Variants in TBC1D22A observed in about 807,000 individuals in gnomAD.
TBC1D22A encodes the protein TBC1 domain family member 22A.
TBC1D22A carries 38 observed loss-of-function variants against 60.2 expected under a neutral mutation model. The observed-to-expected ratio is 0.63, with a 90% CI of 0.49 to 0.83. The LOEUF (loss-of-function observed/expected upper bound fraction) is 0.83. Ranked by LOEUF, TBC1D22A falls within the 40% of genes least tolerant of loss-of-function variation. The probability of loss-of-function intolerance (pLI) is 0.00; values close to 1 mark genes in which losing one functional copy is unlikely to be tolerated. For synonymous variants in TBC1D22A, 302 were observed against 281.7 expected, an observed-to-expected ratio of 1.07 and a Z score of -0.72; for missense variants, 628 against 701.0, an observed-to-expected ratio of 0.90 and a Z score of 1.18.
intron 7 of TBC1D22A, among the ~76,000 whole-genome samples, chr22:46,895,212 C>T (rs1395675159): frequency 1.3e-5 from 2 of 152,130 alleles, no homozygotes; most frequent in African/African-American, 4.8e-5. Context: ...TCCCCCACCC[C>T]TGTGCAACCC....
At chr22:46,974,208 C>T in intron 8 of TBC1D22A, 82 bp from the exon 9 acceptor site, 1 of 1,179,100 alleles carries the variant, frequency 8.5e-7, no homozygotes, top group Non-Finnish European at 1.2e-6. Context: ...AGGCTCAGCT[C>T]TGTTCCTCCG....
In TBC1D22A at chr22:47,100,704, C is replaced by T. The variant is rs539836708; in HGVS notation, c.1330-10804C>T. Among the ~76,000 whole-genome samples the T allele has an allele frequency of 2.4e-4, 37 of 152,346 alleles. 1 individual carries two copies. The highest frequency in any genetic ancestry group is 2.3e-3 in the Admixed American group (35 of 15,314). ...TTTCCTTCCGCCATGATTGTAAGGGCTCCCCAGCCATGTGGAACTGTAAAT... is the reference window on the plus strand; with the variant it reads ...TTTCCTTCCGCCATGATTGTAAGGGTTCCCCAGCCATGTGGAACTGTAAAT... On this transcript the variant is annotated intron_variant, in intron 11 of 12. Transcript: ENST00000337137.
rs187145017 is a variant in TBC1D22A, at chr22:46,907,691, G to T, written c.901-4383G>T. Among the ~76,000 whole-genome samples, 336 of 152,326 alleles carry T rather than the reference G, an allele frequency of 2.2e-3. 2 individuals carry two copies. The highest frequency in any genetic ancestry group is 7.6e-3 in the African/African-American group (315 of 41,572). ...AGCTTCCCAGTCCTCCTCTGTGCCG[G>T]CCGTGCAGGACTGAGGGCACTGCTG... On this transcript the variant is annotated intron_variant, in intron 7 of 12. Coordinates refer to ENST00000337137, the MANE Select transcript of TBC1D22A (RefSeq NM_014346.5).
intron 11 of TBC1D22A, among the ~76,000 whole-genome samples, chr22:47,059,964 G>A (rs77198482): frequency 1.0e-3 from 156 of 152,300 alleles, no homozygotes; most frequent in African/African-American, 3.5e-3. Flanking sequence ...GAGGCTGCAG[G>A]AGCGTCGCAC....
chr22:46,770,801 T>A (rs764919664), intron 1 of TBC1D22A, among the ~76,000 whole-genome samples: 15 of 152,390 alleles, frequency 9.8e-5, no homozygotes, highest in Middle Eastern at 3.4e-3. Context: ...TGCTTATGTT[T>A]TGAAGAGATT....
intron 11 of TBC1D22A, among the ~76,000 whole-genome samples, chr22:47,099,093 G>A (rs2065306954): frequency 6.6e-6 from 1 of 152,232 alleles, no homozygotes; most frequent in African/African-American, 2.4e-5. Context: ...CTGCTGCAGA[G>A]GTGAAAGTTC....
At chr22:46,882,267 C>T (rs983663246) in intron 5 of TBC1D22A, among the ~76,000 whole-genome samples, 1 of 152,176 alleles carries the variant, frequency 6.6e-6, no homozygotes, top group African/African-American at 2.4e-5. Flanking sequence ...TACCCTGCGG[C>T]TAGGCAGGGA....
intron 12 of TBC1D22A, among the ~76,000 whole-genome samples, chr22:47,123,918 G>A (rs994635425): frequency 6.6e-6 from 1 of 152,140 alleles, no homozygotes; most frequent in Non-Finnish European, 1.5e-5. Flanking sequence ...GTGGCCATGT[G>A]GTATTAGCTC....
rs768450009 is a variant in TBC1D22A, at chr22:47,173,578, C to T, written c.1506C>T (p.Tyr502=). The part of the protein sequence containing the change: ...EDISLLLAEA[Y]RLKFAFADAP... ...TCAGCCTGTTGCTGGCCGAGGCCTA[C>T]CGCCTCAAGTTTGCTTTTGCCGACG... Residue 502 remains tyrosine (Y), a synonymous_variant, in exon 13 of 13, where the codon TAC becomes TAT. Coordinates refer to ENST00000337137, the MANE Select transcript of TBC1D22A (RefSeq NM_014346.5). The T allele has an allele frequency of 1.9e-6, 3 of 1,614,058 alleles. No individual in the cohort carries two copies. The highest frequency in any genetic ancestry group is 2.7e-5 in the African/African-American group (2 of 74,942).
At chr22:47,143,398 C>T (rs2067177021) in intron 12 of TBC1D22A, among the ~76,000 whole-genome samples, 1 of 152,220 alleles carries the variant, frequency 6.6e-6, no homozygotes, top group Non-Finnish European at 1.5e-5. Flanking sequence ...GATTTGCAGC[C>T]AGGATTTTAC....
At chr22:46,773,937 G>T in intron 1 of TBC1D22A, 7 of 985,488 alleles carry the variant, frequency 7.1e-6, no homozygotes, top group Non-Finnish European at 8.4e-6. Context: ...AGAAGTCTGT[G>T]CCCTTACCCA....
chr22:47,010,302 G>A (rs961246810), intron 10 of TBC1D22A, among the ~76,000 whole-genome samples: 1 of 152,062 alleles, frequency 6.6e-6, no homozygotes, highest in Non-Finnish European at 1.5e-5. Flanking sequence ...AATCAGCAGC[G>A]CAGCCAGGCC....
Position 46,870,585 on chromosome 22 carries a change from T to G in TBC1D22A, c.638-8068T>G, listed in dbSNP as rs570292693. Among the ~76,000 whole-genome samples, 15 of 152,352 alleles carry G rather than the reference T, an allele frequency of 9.8e-5. No individual in the cohort carries two copies. The East Asian group carries it at 1.7e-3, about 18-fold the overall frequency. The stretch of plus-strand genomic sequence containing the variant: ...CAGAAAGCTGAAAGGAAAGCTGTCT[T>G]AGTCTGTTTCATGTTGTTCTAACAG... On this transcript the variant is annotated intron_variant, in intron 4 of 12. Transcript: ENST00000337137.
chr22:46,783,669 C>G (rs1270639638), intron 1 of TBC1D22A, among the ~76,000 whole-genome samples: 1 of 152,056 alleles, frequency 6.6e-6, no homozygotes, highest in African/African-American at 2.4e-5. Context: ...TTAAAGGATG[C>G]CACACTGTCA....
chr22:46,786,878 G>T (rs561205805), intron 1 of TBC1D22A, among the ~76,000 whole-genome samples: 7 of 151,972 alleles, frequency 4.6e-5, no homozygotes, highest in Non-Finnish European at 2.9e-5. Flanking sequence ...AATAGATGAG[G>T]TCTTGCTTTG....
intron 11 of TBC1D22A, among the ~76,000 whole-genome samples, chr22:47,087,243 G>T (rs373202020): frequency 1.3e-5 from 2 of 152,226 alleles, no homozygotes; most frequent in African/African-American, 2.4e-5. Flanking sequence ...ATGAAAAAGG[G>T]TTATAGTCTA....
At chr22:46,966,081 G>T (rs1217835386) in intron 8 of TBC1D22A, among the ~76,000 whole-genome samples, 1 of 152,188 alleles carries the variant, frequency 6.6e-6, no homozygotes, top group Non-Finnish European at 1.5e-5. Flanking sequence ...CTACAGGGAA[G>T]TCTCTGGGGC....
intron 5 of TBC1D22A, among the ~76,000 whole-genome samples, chr22:46,888,274 T>A (rs1437110432): frequency 6.6e-6 from 1 of 152,174 alleles, no homozygotes; most frequent in African/African-American, 2.4e-5. Context: ...AGGCTTCCCA[T>A]CCGGACCACA....
In TBC1D22A at chr22:46,897,655, T is replaced by G. The variant is rs1468363809; in HGVS notation, c.900+2809T>G. Among the ~76,000 whole-genome samples, 23 of 146,538 alleles carry G rather than the reference T, an allele frequency of 1.6e-4. No homozygotes were observed. In the South Asian group the frequency reaches 2.2e-3, roughly 14 times the overall value. Reference sequence around the variant, plus strand: ...GTTTCGTTTTGTTTTTTTTTGTGTTTTTTTTTTTTTTTTTAGTTCTAGGAA... The same window carrying G: ...GTTTCGTTTTGTTTTTTTTTGTGTTGTTTTTTTTTTTTTTAGTTCTAGGAA... On this transcript the variant is annotated intron_variant, in intron 7 of 12. Transcript: ENST00000337137.
Sources: allele counts gnomAD v4.1 joint callset (sites outside exome capture counted in the v4.1 genomes callset), GRCh38; gene constraint gnomAD v4.1.1; transcripts MANE v1.5; gene names NCBI Gene and HGNC (gene_info 2026-07-23, HGNC 2026-07-21).